The following ZNF786 variants were observed in gnomAD, a reference collection of about 807,000 sequenced individuals.
ZNF786 encodes zinc finger protein 786.
A neutral mutation model predicts 63.1 loss-of-function variants in ZNF786; 56 were observed. The ratio of observed to expected loss-of-function variants is 0.89; its 90% CI spans 0.72 to 1.11. ZNF786 has a LOEUF of 1.11. Among genes scored for constraint, ZNF786 ranks in the 50% least tolerant of loss-of-function variants. ZNF786 has a pLI of 0.00. For synonymous variants in ZNF786, 485 were observed against 406.9 expected (o/e 1.19, Z -2.31); for missense variants, 1,213 against 1,041.8 (o/e 1.16, Z -2.26).
In ZNF786 at chr7:149,071,849, A is replaced by G; in HGVS notation, c.923T>C (p.Val308Ala). Reference protein sequence around the residue: ...CTPCGKRSLPVDSTQARRCQH... With the variant: ...CTPCGKRSLPADSTQARRCQH... ...GCACCGGCGAGCCTGCGTGCTGTCC[A>G]CTGGGAGGGAGCGCTTGCCGCATGG... The change falls in exon 4 of 4, where the codon GTG becomes GCG. Residue 308 changes from valine (V) to alanine (A), a missense_variant. Val to Ala is a moderately conservative substitution (Grantham distance 64). Coordinates refer to ENST00000491431, the MANE Select transcript of ZNF786 (RefSeq NM_152411.4). 6.3e-7 allele frequency: 1 copy of G among 1,597,466 alleles called. No individual in the cohort carries two copies. The highest frequency in any genetic ancestry group is 2.2e-5 in the East Asian group (1 of 44,708).
rs553446457 is a variant in ZNF786, at chr7:149,071,477, T to C, written c.1295A>G (p.Lys432Arg). The C allele has an allele frequency of 1.2e-6, 2 of 1,606,962 alleles. No individual in the cohort carries two copies. Among genetic ancestry groups the C allele is most frequent in the Non-Finnish European group, 1.7e-6 (2 of 1,177,898 alleles). ...ERPFSCRKCG[K>R]GFAKQCKLTE... ...GAGTTTACACTGCTTGGCGAAGCCC[T>C]TGCCACACTTCCTGCAGGAGAACGG... Residue 432 changes from lysine (K) to arginine (R), a missense_variant, in exon 4 of 4, where the codon AAG (lysine) becomes AGG (arginine). Coordinates refer to ENST00000491431, the MANE Select transcript of ZNF786 (RefSeq NM_152411.4).
At chr7:149,087,383 G>T (rs1825755213) in intron 1 of ZNF786, among the ~76,000 whole-genome samples, 1 of 152,146 alleles carries the variant, frequency 6.6e-6, no homozygotes, top group Non-Finnish European at 1.5e-5. Context: ...TTCTCAATCA[G>T]AACAATTTTG....
At chr7:149,081,868 C>G (rs1327963023) in intron 1 of ZNF786, among the ~76,000 whole-genome samples, 1 of 152,056 alleles carries the variant, frequency 6.6e-6, no homozygotes, top group Non-Finnish European at 1.5e-5. Flanking sequence ...AAAGACTCCT[C>G]CAAAAGACTC....
At position 149,071,123 on chromosome 7, in the gene ZNF786, C is replaced by T; in HGVS notation, c.1649G>A (p.Gly550Asp). 6.2e-7 allele frequency: 1 copy of T among 1,610,256 alleles called. No homozygotes were observed. Among genetic ancestry groups the T allele is most frequent in the Non-Finnish European group, 8.5e-7 (1 of 1,178,450 alleles). Residue 550 changes from glycine to aspartate, a missense_variant, in exon 4 of 4, where the codon GGC (glycine) becomes GAC (aspartate). By Grantham distance (94) the Gly-to-Asp change is moderately conservative. Coordinates refer to ENST00000491431, the MANE Select transcript of ZNF786 (RefSeq NM_152411.4). The part of the protein sequence containing the change: ...LKCDKRFRLK[G>D]ILKAHQHTHS... ...CGTGTGCTGGTGGGCCTTCAGGATG[C>T]CCTTCAGGCGGAAGCGCTTGTCGCA...
At chr7:149,077,240 TG>T (rs373387654) in intron 2 of ZNF786, among the ~76,000 whole-genome samples, 237 of 152,344 alleles carry the variant, frequency 1.6e-3, no homozygotes, top group Admixed American at 2.6e-3. Flanking sequence ...AAAGCTCTAT[TG>T]GGATTCTGAC....
At chr7:149,079,928 C>G (rs544917076) in intron 2 of ZNF786, among the ~76,000 whole-genome samples, 11 of 150,066 alleles carry the variant, frequency 7.3e-5, no homozygotes, top group African/African-American at 2.0e-4. Context: ...TAATCCAGCA[C>G]TTTGGGAGGC....
chr7:149,085,594 C>G (rs369307254), intron 1 of ZNF786, among the ~76,000 whole-genome samples: 1 of 152,102 alleles, frequency 6.6e-6, no homozygotes, highest in Non-Finnish European at 1.5e-5. Context: ...GGATTACAGG[C>G]GTGAGCCACC....
At chr7:149,088,425 G>A (rs1366113147) in intron 1 of ZNF786, among the ~76,000 whole-genome samples, 4 of 152,166 alleles carry the variant, frequency 2.6e-5, no homozygotes, top group African/African-American at 9.7e-5. Flanking sequence ...TATTGTATGT[G>A]TAACATTTCT....
chr7:149,073,746 T>TGC, intron 3 of ZNF786, among the ~76,000 whole-genome samples: 1 of 64,518 alleles, frequency 1.5e-5, no homozygotes, highest in Admixed American at 1.7e-4. Flanking sequence ...TGTGTGTGTG[T>TGC]GTATATATAT....
chr7:149,071,176 G>C lies in ZNF786; in HGVS notation c.1596C>G (p.Ser532Arg), dbSNP rs557316794. The change falls in exon 4 of 4, where the codon AGC (serine) becomes AGG (arginine). Residue 532 changes from serine to arginine, a missense_variant. Physicochemically the swap from Ser to Arg is moderately radical, Grantham distance 110. Coordinates refer to ENST00000491431, the MANE Select transcript of ZNF786 (RefSeq NM_152411.4). ...TCAGGCACTGGAAGGGCCTCTCCCC[G>C]CTGTGCACTCTCAGGTGCTCACGGA... is the stretch of plus-strand genomic sequence containing the variant. ...CKLREHLRVH[S>R]GERPFQCLKC... 6.2e-7 allele frequency: 1 copy of C among 1,610,868 alleles called. No individual in the cohort carries two copies. Among genetic ancestry groups the C allele is most frequent in the African/African-American group, 1.3e-5 (1 of 74,418 alleles).
intron 1 of ZNF786, among the ~76,000 whole-genome samples, chr7:149,085,819 T>G (rs1262215152): frequency 1.3e-5 from 2 of 152,384 alleles, no homozygotes; most frequent in Admixed American, 1.3e-4. Context: ...CTTGGTTAGC[T>G]GTATTCCTCG....
intron 3 of ZNF786, among the ~76,000 whole-genome samples, chr7:149,073,718 TGTGTGC>T (rs1825476431): frequency 1.3e-5 from 1 of 77,488 alleles, no homozygotes; most frequent in South Asian, 6.7e-4. Context: ...TGTGTGTATA[TGTGTGC>T]GTGTGTGTGT....
chr7:149,078,530 TA>T (rs1563138748), intron 2 of ZNF786, among the ~76,000 whole-genome samples: 1 of 151,882 alleles, frequency 6.6e-6, no homozygotes, highest in Non-Finnish European at 1.5e-5. Context: ...ACTAAAAATA[TA>T]AAATTAGCAG....
chr7:149,070,272 G>T lies in ZNF786; in HGVS notation c.*151C>A, dbSNP rs915930576. ...GATGCTTCTGAAGAGAAAATCCTTT[G>T]TGGTTCTTCATATTCCTAACTTGCA... On this transcript the variant is annotated 3_prime_UTR_variant, in exon 4 of 4. Coordinates refer to ENST00000491431, the MANE Select transcript of ZNF786 (RefSeq NM_152411.4). 8 of 903,392 alleles carry T rather than the reference G, an allele frequency of 8.9e-6. No individual in the cohort carries two copies. Among genetic ancestry groups the T allele is most frequent in the African/African-American group, 5.0e-5 (3 of 59,800 alleles). The allele number at this position is 903,392 out of a possible 1,614,324, so 56.0% of individuals were successfully genotyped here. A position where few individuals can be genotyped will look rare whatever the true frequency, so the allele number is the denominator to read the frequency against.
At position 149,070,749 on chromosome 7, in the gene ZNF786, G is replaced by T; in HGVS notation, c.2023C>A (p.Pro675Thr). 1.9e-6 allele frequency: 3 copies of T among 1,613,824 alleles called. No individual in the cohort carries two copies. Among genetic ancestry groups the T allele is most frequent in the Non-Finnish European group, 1.7e-6 (2 of 1,179,954 alleles). Residue 675 changes from proline to threonine, a missense_variant, in exon 4 of 4, where the codon CCT becomes ACT. Physicochemically the swap from Pro to Thr is conservative, Grantham distance 38. Transcript: ENST00000491431. Reference protein sequence around the residue: ...EHIRTHTGEKPFQCPKCDKSF... With the variant: ...EHIRTHTGEKTFQCPKCDKSF... ...TTGTCACACTTGGGACACTGAAAAGGCTTCTCTCCCGTGTGCGTTCTGATG... is the reference window on the plus strand; with the variant it reads ...TTGTCACACTTGGGACACTGAAAAGTCTTCTCTCCCGTGTGCGTTCTGATG...
chr7:149,086,309 C>T (rs1353429952), intron 1 of ZNF786, among the ~76,000 whole-genome samples: 1 of 152,132 alleles, frequency 6.6e-6, no homozygotes, highest in East Asian at 1.9e-4. Flanking sequence ...CTGGCGAGGG[C>T]CTCAGATGGC....
chr7:149,082,824 C>T (rs1366423354), intron 1 of ZNF786, among the ~76,000 whole-genome samples: 1 of 151,514 alleles, frequency 6.6e-6, no homozygotes, highest in African/African-American at 2.4e-5. Context: ...CTCAAGTCAT[C>T]CACCCACCTT....
intron 3 of ZNF786, among the ~76,000 whole-genome samples, chr7:149,073,747 G>GTGTGTGTATA (rs1447329296): frequency 6.4e-5 from 5 of 77,566 alleles, no homozygotes; most frequent in East Asian, 5.3e-4. Flanking sequence ...GTGTGTGTGT[G>GTGTGTGTATA]TATATATATA....
chr7:149,069,857 C>T lies in ZNF786; in HGVS notation c.*566G>A, dbSNP rs1449695432. 8 of 152,088 alleles carry T rather than the reference C, an allele frequency of 5.3e-5. No individual in the cohort carries two copies. The East Asian group carries it at 9.8e-4, about 19-fold the overall frequency. 9.4% of individuals were successfully genotyped at this position (152,088 alleles called of 1,614,324 possible). A position where few individuals can be genotyped will look rare whatever the true frequency, so the allele number is the denominator to read the frequency against. ...CAAGCTGGTCTCAAACTCCTTGGCT[C>T]GTGATCCTCCTGCCACGGCCTCCCA... On this transcript the variant is annotated 3_prime_UTR_variant, in exon 4 of 4. Coordinates refer to ENST00000491431, the MANE Select transcript of ZNF786 (RefSeq NM_152411.4).
Sources: allele counts gnomAD v4.1 joint callset (sites outside exome capture counted in the v4.1 genomes callset), GRCh38; gene constraint gnomAD v4.1.1; transcripts MANE v1.5; gene names NCBI Gene and HGNC (gene_info 2026-07-23, HGNC 2026-07-21).